ADGRE5: variants seen among roughly 807,000 people sequenced by gnomAD.
The protein encoded by ADGRE5 is adhesion G protein-coupled receptor E5.
A neutral mutation model predicts 100.3 loss-of-function variants in ADGRE5; 72 were observed. That is an observed-to-expected ratio of 0.72 (90% CI 0.59 to 0.87). ADGRE5 has a LOEUF of 0.87. Among genes scored for constraint, ADGRE5 ranks in the 40% least tolerant of loss-of-function variants. The pLI, the probability that ADGRE5 is intolerant of heterozygous loss-of-function variation, is 0.00. For synonymous variants in ADGRE5, 439 were observed against 447.8 expected (o/e 0.98, Z 0.25); for missense variants, 959 against 1,094.7 (o/e 0.88, Z 1.75).
intron 1 of ADGRE5, among the ~76,000 whole-genome samples, chr19:14,385,628 C>A (rs568209413): frequency 1.3e-5 from 2 of 152,042 alleles, no homozygotes; most frequent in African/African-American, 4.8e-5. Flanking sequence ...GAGGGGGGCC[C>A]GGGGGTGAAA....
intron 4 of ADGRE5, among the ~76,000 whole-genome samples, chr19:14,394,398 C>T (rs866027807): frequency 2.6e-4 from 40 of 152,014 alleles, no homozygotes; most frequent in African/African-American, 9.7e-4. Context: ...GGCCAGAGAC[C>T]TCGGGCGGCT....
In ADGRE5 at chr19:14,388,880, G is replaced by T; in HGVS notation, c.190+62G>T. The T allele has an allele frequency of 2.1e-6, 3 of 1,460,446 alleles. No homozygotes were observed. In the South Asian group the frequency reaches 3.4e-5, roughly 17 times the overall value. The allele number at this position is 1,460,446 out of a possible 1,614,324, so 90.5% of individuals were successfully genotyped here. ...GATTATGAGGCATTGCCCAGCCAGTGGGGGACAGAGGTTGTTGTGAGGGGC... is the reference window on the plus strand; with the variant it reads ...GATTATGAGGCATTGCCCAGCCAGTTGGGGACAGAGGTTGTTGTGAGGGGC... On this transcript the variant is annotated intron_variant, in intron 3 of 19. Transcript: ENST00000242786.
At position 14,401,389 on chromosome 19, in the gene ADGRE5, G is replaced by A. The variant is rs1275370812; in HGVS notation, c.901G>A (p.Val301Ile). The change falls in exon 10 of 20, where the codon GTC becomes ATC. Residue 301 changes from valine to isoleucine, a missense_variant. Around this residue, in one of 6 missense-constraint regions of ADGRE5, gnomAD observed 69 missense variants for 135.0 expected, o/e 0.51. Coordinates refer to ENST00000242786, the MANE Select transcript of ADGRE5 (RefSeq NM_078481.4). This position sits in a 1 kb window ranked among gnomAD's most constrained non-coding sequence, Gnocchi z 4.1. ...TSSAEVTIQN[V>I]IKLVDELMEA... ...TCTGTCACCCGCCACCCCCTAGAAT[G>A]TCATCAAATTGGTGGATGAACTGAT... 1 of 1,613,880 alleles carries A rather than the reference G, an allele frequency of 6.2e-7. No homozygotes were observed. The highest frequency in any genetic ancestry group is 8.5e-7 in the Non-Finnish European group (1 of 1,179,892).
intron 1 of ADGRE5, among the ~76,000 whole-genome samples, chr19:14,386,693 C>CAAAAAAAAAAAA (rs1172800346): frequency 1.8e-5 from 1 of 56,558 alleles, no homozygotes; most frequent in African/African-American, 6.9e-5. Context: ...GACTCCGTCT[C>CAAAAAAAAAAAA]AAAAAAAAAA....
intron 1 of ADGRE5, among the ~76,000 whole-genome samples, chr19:14,382,997 A>T (rs536641378): frequency 1.3e-5 from 2 of 151,932 alleles, no homozygotes; most frequent in Admixed American, 1.3e-4. Flanking sequence ...CCGCCTCCCA[A>T]AGTGCTGGGA....
Position 14,408,564 on chromosome 19 carries a change from CCTTGGGG to C in ADGRE5, c.*445_*451del, listed in dbSNP as rs1449156448. On this transcript the variant is annotated 3_prime_UTR_variant, in exon 20 of 20. Transcript: ENST00000242786. ...ATGTCAGAGGCCCCATGGCGAGGCC[CCTTGGGG>C]CCACTGCCTGAGGCTCACGGTACAG... 2.3e-6 allele frequency: 1 copy of C among 431,476 alleles called. No individual in the cohort carries two copies. The highest frequency in any genetic ancestry group is 3.9e-5 in the Admixed American group (1 of 25,742). The allele number at this position is 431,476 out of a possible 1,614,324, so 26.7% of individuals were successfully genotyped here. A position where few individuals can be genotyped will look rare whatever the true frequency, so the allele number is the denominator to read the frequency against.
intron 9 of ADGRE5, among the ~76,000 whole-genome samples, chr19:14,400,766 T>A (rs1310340017): frequency 6.6e-6 from 1 of 152,112 alleles, no homozygotes; most frequent in Non-Finnish European, 1.5e-5. Flanking sequence ...CACTCCAGCC[T>A]GGGAGACAGA....
intron 1 of ADGRE5, among the ~76,000 whole-genome samples, chr19:14,386,693 C>CAAAAAA (rs1172800346): frequency 7.1e-5 from 4 of 56,554 alleles, no homozygotes; most frequent in South Asian, 6.4e-4. Context: ...GACTCCGTCT[C>CAAAAAA]AAAAAAAAAA....
intron 6 of ADGRE5, 115 bp from the exon 7 acceptor site, chr19:14,397,543 G>A (rs904341704): frequency 1.5e-5 from 23 of 1,554,774 alleles, no homozygotes; most frequent in South Asian, 7.9e-5. Flanking sequence ...ATAACCCAGC[G>A]TCCACCACTC....
Position 14,402,736 on chromosome 19 carries a change from C to T in ADGRE5, c.1323C>T (p.Arg441=), listed in dbSNP as rs199578879. Residue 441 remains arginine (R), a synonymous_variant, in exon 12 of 20, where the codon CGC becomes CGT. Coordinates refer to ENST00000242786, the MANE Select transcript of ADGRE5 (RefSeq NM_078481.4). ...GCATCCGTGGTGTCCAACTCAGACG[C>T]CTCTCTGCCGTCAACTCCATCTTTC... The part of the protein sequence containing the change: ...ESSIRGVQLR[R]LSAVNSIFLS... 1 of 1,614,120 alleles carries T rather than the reference C, an allele frequency of 6.2e-7. No homozygotes were observed. Among genetic ancestry groups the T allele is most frequent in the Non-Finnish European group, 8.5e-7 (1 of 1,180,026 alleles).
chr19:14,400,024 T>C (rs888433512), intron 9 of ADGRE5, among the ~76,000 whole-genome samples: 2 of 151,386 alleles, frequency 1.3e-5, no homozygotes. Flanking sequence ...TCATTTTTTT[T>C]TTTTCTTTTT....
intron 12 of ADGRE5, 141 bp from the exon 13 acceptor site, chr19:14,404,242 G>A (rs1976128043): frequency 1.4e-6 from 1 of 738,368 alleles, no homozygotes; most frequent in Non-Finnish European, 2.2e-6. Flanking sequence ...GTTCACTGCT[G>A]TGTCTCCAAA....
chr19:14,396,143 C>A (rs1975767266), intron 4 of ADGRE5, 199 bp from the exon 5 acceptor site: 1 of 870,884 alleles, frequency 1.1e-6, no homozygotes, highest in East Asian at 2.9e-5. Flanking sequence ...AAGGGGAGGA[C>A]TTGGCTGCTT....
Position 14,405,854 on chromosome 19 carries a change from G to C in ADGRE5, c.1736G>C (p.Arg579Pro). 1 of 1,613,098 alleles carries C rather than the reference G, an allele frequency of 6.2e-7. No homozygotes were observed. Among genetic ancestry groups the C allele is most frequent in the South Asian group, 1.1e-5 (1 of 91,074 alleles). The change falls in exon 14 of 20, where the codon CGC becomes CCC. Residue 579 changes from arginine (R) to proline (P), a missense_variant. By Grantham distance (103) the Arg-to-Pro change is moderately radical. Transcript: ENST00000242786. ...CTGGTGCGGCCCATCCAGGGCTCGCGCACCACCATACACCTGCACCTCTGC... is the reference window on the plus strand; with the variant it reads ...CTGGTGCGGCCCATCCAGGGCTCGCCCACCACCATACACCTGCACCTCTGC... Reference protein sequence around the residue: ...FLLVRPIQGSRTTIHLHLCIC... With the variant: ...FLLVRPIQGSPTTIHLHLCIC...
At position 14,401,895 on chromosome 19, in the gene ADGRE5, C is replaced by T; in HGVS notation, c.1183+135C>T. 1.8e-6 allele frequency: 1 copy of T among 542,998 alleles called. No individual in the cohort carries two copies. Among genetic ancestry groups the T allele is most frequent in the Non-Finnish European group, 3.1e-6 (1 of 320,134 alleles). The allele number at this position is 542,998 out of a possible 1,614,324, so 33.6% of individuals were successfully genotyped here. On this transcript the variant is annotated intron_variant, in intron 11 of 19. Transcript: ENST00000242786. The surrounding 1 kb of genome is among the most constrained non-coding windows in gnomAD (Gnocchi z 4.1). ...CCTGCAATCCCAGCATTTTGGGAGG[C>T]CCAGGTGGGTAGATCGCTTGAGCTC...
rs76322505 is a variant in ADGRE5, at chr19:14,404,610, G to A, written c.1629+48G>A. On this transcript the variant is annotated intron_variant, in intron 13 of 19. Coordinates refer to ENST00000242786, the MANE Select transcript of ADGRE5 (RefSeq NM_078481.4). ...AAGTGCCCACAGGTAATGAGGTCCA[G>A]CTGCAACCAGACAGGCAGCTAGTTC... is the stretch of plus-strand genomic sequence containing the variant. 1,253 of 1,562,370 alleles carry A rather than the reference G, an allele frequency of 8.0e-4. 10 individuals carry two copies. In the African/African-American group the frequency reaches 0.016, roughly 20 times the overall value.
Position 14,408,249 on chromosome 19 carries a change from C to A in ADGRE5, c.*128C>A. On this transcript the variant is annotated 3_prime_UTR_variant, in exon 20 of 20. Transcript: ENST00000242786. ...CTCCCTCCCTGATCCCGTGTGCCAC[C>A]AGGAGGGAGTGGCAGCTATAGTCTG... 1 of 1,083,206 alleles carries A rather than the reference C, an allele frequency of 9.2e-7. No homozygotes were observed. The highest frequency in any genetic ancestry group is 1.4e-6 in the Non-Finnish European group (1 of 726,062). The allele number at this position is 1,083,206 out of a possible 1,614,324, so 67.1% of individuals were successfully genotyped here.
At position 14,406,898 on chromosome 19, in the gene ADGRE5, C is replaced by G. The variant is rs960539869; in HGVS notation, c.2145C>G (p.Val715=). The change falls in exon 17 of 20, where the codon GTC becomes GTG. Residue 715 remains valine (V), a synonymous_variant. Transcript: ENST00000242786. This position sits in a 1 kb window ranked among gnomAD's most constrained non-coding sequence, Gnocchi z 6.0. The part of the protein sequence containing the change: ...LCNAVIFVTT[V]WKLTQKFSEI... Reference sequence around the variant, plus strand: ...ATGCTGTCATTTTCGTGACTACCGTCTGGAAGCTCACTCAGAAGTTTTCTG... The same window carrying G: ...ATGCTGTCATTTTCGTGACTACCGTGTGGAAGCTCACTCAGAAGTTTTCTG... The G allele has an allele frequency of 3.7e-6, 6 of 1,614,080 alleles. No homozygotes were observed. The African/African-American group carries it at 8.0e-5, about 22-fold the overall frequency.
chr19:14,396,559 G>C (rs1284551201), intron 5 of ADGRE5, 86 bp downstream of exon 5: 5 of 1,577,040 alleles, frequency 3.2e-6, no homozygotes, highest in Non-Finnish European at 4.3e-6. Context: ...CGAGGAGGAG[G>C]GGGAAGATCC....
Sources: gnomAD v4.1 joint callset for allele counts (sites outside exome capture counted in the v4.1 genomes callset) on GRCh38, gnomAD v4.1.1 for gene constraint, gnomAD v4.1.1 regional missense constraint, Gnocchi (gnomAD v3.1) non-coding constraint, MANE v1.5 for transcripts, NCBI Gene and HGNC (gene_info 2026-07-23, HGNC 2026-07-21) for gene names.